Variants in ULK4 observed in about 807,000 individuals in gnomAD.
ULK4 encodes inactive serine/threonine-protein kinase ULK4.
In ULK4, 133 loss-of-function variants were observed where a neutral mutation model predicts 160.6. The observed-to-expected ratio is 0.83, with a 90% CI of 0.72 to 0.96. ULK4 has a LOEUF of 0.96. Among genes scored for constraint, ULK4 ranks in the 40% least tolerant of loss-of-function variants. ULK4 has a pLI of 0.00. For synonymous variants in ULK4, 534 were observed against 539.8 expected (o/e 0.99, Z 0.15); for missense variants, 1,580 against 1,499.5 (o/e 1.05, Z -0.89).
At chr3:41,283,114 T>C (rs1372555847) in intron 35 of ULK4, among the ~76,000 whole-genome samples, 7 of 152,216 alleles carry the variant, frequency 4.6e-5, no homozygotes, top group South Asian at 2.1e-4. Context: ...TCATGCCAGT[T>C]AGAATGGTGA....
intron 32 of ULK4, among the ~76,000 whole-genome samples, chr3:41,507,974 CCCTGAGATG>C (rs2085451140): frequency 6.6e-6 from 1 of 152,220 alleles, no homozygotes; most frequent in Admixed American, 6.5e-5. Flanking sequence ...ACTGCAAGCT[CCCTGAGATG>C]CCAAAAAACT....
At chr3:41,551,673 G>C (rs150017149) in intron 32 of ULK4, among the ~76,000 whole-genome samples, 4 of 151,920 alleles carry the variant, frequency 2.6e-5, no homozygotes, top group Non-Finnish European at 5.9e-5. Flanking sequence ...TCACTTCACT[G>C]CCCAATTCTA....
At chr3:41,790,134 A>G (rs1179955296) in intron 20 of ULK4, among the ~76,000 whole-genome samples, 3 of 152,260 alleles carry the variant, frequency 2.0e-5, no homozygotes, top group African/African-American at 7.2e-5. Flanking sequence ...TTAATAAAAC[A>G]CATTATCAAA....
At chr3:41,904,019 T>C (rs1698465792) in intron 12 of ULK4, among the ~76,000 whole-genome samples, 1 of 149,252 alleles carries the variant, frequency 6.7e-6, no homozygotes, top group African/African-American at 2.5e-5. Context: ...AAGTAATCAG[T>C]GTTTACCCGG....
intron 22 of ULK4, among the ~76,000 whole-genome samples, chr3:41,748,098 A>G (rs1387535148): frequency 1.3e-5 from 2 of 151,796 alleles, no homozygotes; most frequent in African/African-American, 4.8e-5. Context: ...ATTGGTTATT[A>G]CTGGAATTAG....
chr3:41,724,637 G>A (rs553147307), intron 22 of ULK4, among the ~76,000 whole-genome samples: 9 of 152,142 alleles, frequency 5.9e-5, no homozygotes, highest in Non-Finnish European at 8.8e-5. Context: ...GCAGGAGAAT[G>A]GCGTGAACCC....
At chr3:41,247,073 T>G in intron 36 of ULK4, 81 bp from the exon 37 acceptor site, 1 of 1,379,206 alleles carries the variant, frequency 7.3e-7, no homozygotes, top group South Asian at 1.2e-5. Context: ...GGCCAGCCTC[T>G]TTTGCACCCG....
rs140993200 is a variant in ULK4 at position 41,674,331 on chromosome 3, TC to T, written c.2978+7176del. 5.4e-3 allele frequency among the ~76,000 whole-genome samples: 825 copies of T among 152,348 alleles called. 25 individuals carry two copies. In the East Asian group the frequency reaches 0.087, roughly 16 times the overall value. On this transcript the variant is annotated intron_variant, in intron 29 of 36. Transcript: ENST00000301831. ...TTGATAATGACTTTGATATTAAACTTCTGAGAGGTGCTGATTTTAATTAATA... is the reference window on the plus strand; with the variant it reads ...TTGATAATGACTTTGATATTAAACTTTGAGAGGTGCTGATTTTAATTAATA...
intron 18 of ULK4, among the ~76,000 whole-genome samples, chr3:41,832,103 T>C (rs1030958910): frequency 6.6e-6 from 1 of 152,232 alleles, no homozygotes; most frequent in Non-Finnish European, 1.5e-5. Flanking sequence ...TTTCTGGTTC[T>C]AGATCCCTGA....
intron 22 of ULK4, among the ~76,000 whole-genome samples, chr3:41,737,526 T>C (rs1463587001): frequency 1.3e-5 from 2 of 151,910 alleles, no homozygotes; most frequent in South Asian, 2.1e-4. Context: ...TTCAAGTTCA[T>C]ATGGAACCAA....
intron 8 of ULK4, 187 bp from the exon 9 acceptor site, chr3:41,913,086 A>G (rs1298918540): frequency 2.3e-5 from 13 of 560,076 alleles, no homozygotes; most frequent in Non-Finnish European, 4.1e-5. Context: ...AAAAAGAAAC[A>G]ATTCAGAAGC....
chr3:41,850,656 G>GT (rs2042187279), intron 17 of ULK4, among the ~76,000 whole-genome samples: 1 of 149,114 alleles, frequency 6.7e-6, no homozygotes, highest in South Asian at 2.1e-4. Context: ...TTTTGATGGG[G>GT]TTGTTTTTTT....
chr3:41,463,112 G>C lies in ULK4; in HGVS notation c.3368C>G (p.Ser1123Cys), dbSNP rs532435333. 30 of 1,613,666 alleles carry C rather than the reference G, an allele frequency of 1.9e-5. No individual in the cohort carries two copies. The highest frequency in any genetic ancestry group is 1.5e-4 in the South Asian group (14 of 91,044). The change falls in exon 33 of 37, where the codon TCC becomes TGC. Residue 1123 changes from serine to cysteine, a missense_variant. Coordinates refer to ENST00000301831, the MANE Select transcript of ULK4 (RefSeq NM_017886.4). ...DILHSMLTYT[S>C]GIVRLALQAQ... is the part of the protein sequence containing the mutation. ...CTGCAAAGCCAGCCGTACAATACCGGAGGTATAGGTCAGCATGCTGTGCAA... is the reference window on the plus strand; with the variant it reads ...CTGCAAAGCCAGCCGTACAATACCGCAGGTATAGGTCAGCATGCTGTGCAA...
chr3:41,794,674 A>C (rs1341680340), intron 20 of ULK4, among the ~76,000 whole-genome samples: 2 of 130,738 alleles, frequency 1.5e-5, no homozygotes, highest in East Asian at 2.1e-4. Context: ...AAAAAAAAAA[A>C]AAAAAAAAAA....
chr3:41,934,379 A>G (rs1699694343), intron 4 of ULK4, among the ~76,000 whole-genome samples: 1 of 152,214 alleles, frequency 6.6e-6, no homozygotes, highest in South Asian at 2.1e-4. Flanking sequence ...TGCAAAAATA[A>G]AATTCTTAAA....
At chr3:41,379,649 T>G (rs1401298279) in intron 35 of ULK4, among the ~76,000 whole-genome samples, 1 of 152,176 alleles carries the variant, frequency 6.6e-6, no homozygotes. Flanking sequence ...AGCCATCTCC[T>G]AAATGTTCTA....
intron 32 of ULK4, among the ~76,000 whole-genome samples, chr3:41,484,551 C>G (rs913198620): frequency 2.0e-5 from 3 of 151,706 alleles, no homozygotes; most frequent in Admixed American, 6.6e-5. Context: ...CTCCCGGGTT[C>G]ACGCCATTCT....
chr3:41,432,251 T>G (rs910800366), intron 34 of ULK4, among the ~76,000 whole-genome samples: 1 of 152,114 alleles, frequency 6.6e-6, no homozygotes, highest in Admixed American at 6.5e-5. Context: ...ATAGAGACTT[T>G]AAAGAAATAC....
intron 30 of ULK4, among the ~76,000 whole-genome samples, chr3:41,657,996 T>C (rs1381893125): frequency 6.6e-6 from 1 of 152,052 alleles, no homozygotes; most frequent in Non-Finnish European, 1.5e-5. Context: ...AAATTGACCA[T>C]ATATTAGGCC....
Sources: allele counts gnomAD v4.1 joint callset (sites outside exome capture counted in the v4.1 genomes callset), GRCh38; gene constraint gnomAD v4.1.1; transcripts MANE v1.5; gene names NCBI Gene and HGNC (gene_info 2026-07-23, HGNC 2026-07-21).